FAM120A: variants seen among roughly 807,000 people sequenced by gnomAD.
FAM120A encodes the protein constitutive coactivator of PPAR-gamma-like protein 1.
Under a neutral mutation model 109.7 loss-of-function variants are expected in FAM120A, and 15 were observed. That is an observed-to-expected ratio of 0.14 (90% confidence interval 0.09 to 0.21). The LOEUF (loss-of-function observed/expected upper bound fraction) is 0.21, where lower values mean the gene tolerates loss of function less well. Among genes scored for constraint, FAM120A ranks in the 10% least tolerant of loss-of-function variants. The pLI is 1.00. For synonymous variants in FAM120A, 493 were observed against 572.8 expected, an observed-to-expected ratio of 0.86 and a Z score of 1.99; for missense variants, 899 against 1,439.3, an observed-to-expected ratio of 0.62 and a Z score of 6.07.
At position 93,452,924 on chromosome 9, in the gene FAM120A, G is replaced by A; in HGVS notation, c.474+535G>A. 1 of 1,422,656 alleles carries A rather than the reference G, an allele frequency of 7.0e-7. No individual in the cohort carries two copies. Among genetic ancestry groups the A allele is most frequent in the Admixed American group, 2.9e-5 (1 of 33,940 alleles). The allele number at this position is 1,422,656 out of a possible 1,614,324, so 88.1% of individuals were successfully genotyped here. A position where few individuals can be genotyped will look rare whatever the true frequency, so the allele number is the denominator to read the frequency against. ...GTTGTTAGCCCGGTGACAGCGAGAC[G>A]TGTCTAAGGGCCAGTGCCCTGGCCT... On this transcript the variant is annotated intron_variant, in intron 1 of 17. Coordinates refer to ENST00000277165, the MANE Select transcript of FAM120A (RefSeq NM_014612.5). This position sits in a 1 kb window ranked among gnomAD's most constrained non-coding sequence, Gnocchi z 7.0.
rs557106269 is a variant in FAM120A at position 93,498,393 on chromosome 9, A to G, written c.934-397A>G. Among the ~76,000 whole-genome samples the G allele has an allele frequency of 3.3e-5, 5 of 152,304 alleles. No homozygotes were observed. The highest frequency in any genetic ancestry group is 4.1e-4 in the South Asian group (2 of 4,824). On this transcript the variant is annotated intron_variant, in intron 4 of 17. Coordinates refer to ENST00000277165, the MANE Select transcript of FAM120A (RefSeq NM_014612.5). The surrounding 1 kb of genome is among the most constrained non-coding windows in gnomAD (Gnocchi z 4.4). ...GGGTGAAAGAGCGAAACTCCGTCTCAGAAGAAAAAGAGAGAGCTGAAACCC... is the reference window on the plus strand; with the variant it reads ...GGGTGAAAGAGCGAAACTCCGTCTCGGAAGAAAAAGAGAGAGCTGAAACCC...
chr9:93,489,601 C>T (rs1254810125), intron 3 of FAM120A, among the ~76,000 whole-genome samples: 2 of 152,206 alleles, frequency 1.3e-5, no homozygotes, highest in African/African-American at 2.4e-5. Context: ...CTTCAGTATA[C>T]GTGCATAGCA....
chr9:93,466,519 G>C (rs1588787566), intron 1 of FAM120A, among the ~76,000 whole-genome samples: 1 of 151,728 alleles, frequency 6.6e-6, no homozygotes, highest in Non-Finnish European at 1.5e-5. Context: ...TCCAGTGTCA[G>C]CTGTTTCCAA....
intron 10 of FAM120A, among the ~76,000 whole-genome samples, chr9:93,538,126 TATGAACAGCATTTATCTAC>T (rs1258494515): frequency 2.0e-5 from 3 of 152,182 alleles, no homozygotes; most frequent in Non-Finnish European, 2.9e-5. Flanking sequence ...GAATGAGGAA[TATGAACAGCATTTATCTAC>T]ATGTCTGTAA....
intron 8 of FAM120A, among the ~76,000 whole-genome samples, chr9:93,528,638 C>T (rs934903175): frequency 6.6e-6 from 1 of 152,152 alleles, no homozygotes; most frequent in African/African-American, 2.4e-5. Context: ...GTGTTTTCAC[C>T]AAACAGTGTA....
chr9:93,559,899 G>A (rs967467401), intron 15 of FAM120A, among the ~76,000 whole-genome samples: 2 of 152,184 alleles, frequency 1.3e-5, no homozygotes, highest in African/African-American at 4.8e-5. Flanking sequence ...AGTAGCTGCT[G>A]GCCACTGCTC....
At chr9:93,461,936 C>T (rs2131218154) in intron 1 of FAM120A, among the ~76,000 whole-genome samples, 1 of 152,322 alleles carries the variant, frequency 6.6e-6, no homozygotes, top group African/African-American at 2.4e-5. Flanking sequence ...CAGTAAAGGA[C>T]ACCTAACCTG....
At chr9:93,519,334 C>T (rs1860745007) in intron 7 of FAM120A, among the ~76,000 whole-genome samples, 1 of 152,034 alleles carries the variant, frequency 6.6e-6, no homozygotes, top group Admixed American at 6.5e-5. Flanking sequence ...CTCTGCCTCC[C>T]AGGTTCAAGC....
At chr9:93,469,824 A>C (rs1858230045) in intron 1 of FAM120A, among the ~76,000 whole-genome samples, 1 of 152,174 alleles carries the variant, frequency 6.6e-6, no homozygotes, top group South Asian at 2.1e-4. Flanking sequence ...CATCTTGAAA[A>C]GGTTTGCTTT....
At chr9:93,461,851 C>G (rs1269737727) in intron 1 of FAM120A, among the ~76,000 whole-genome samples, 1 of 152,152 alleles carries the variant, frequency 6.6e-6, no homozygotes, top group Non-Finnish European at 1.5e-5. Flanking sequence ...GAATGTTCAA[C>G]TGGTAAGCAT....
chr9:93,471,479 GAT>G, intron 2 of FAM120A, 92 bp downstream of exon 2: 1 of 1,499,072 alleles, frequency 6.7e-7, no homozygotes, highest in Non-Finnish European at 9.1e-7. Flanking sequence ...GAATGTTTTG[GAT>G]ATGTATCACA....
chr9:93,518,596 G>A (rs936468438), intron 7 of FAM120A, among the ~76,000 whole-genome samples: 6 of 152,214 alleles, frequency 3.9e-5, no homozygotes, highest in Admixed American at 6.5e-5. Context: ...AGGTCTGTGC[G>A]CAGAGCTTGC....
chr9:93,564,640 G>A lies in FAM120A; in HGVS notation c.*100G>A, dbSNP rs896778447. 85 of 986,980 alleles carry A rather than the reference G, an allele frequency of 8.6e-5. No homozygotes were observed. The highest frequency in any genetic ancestry group is 1.1e-4 in the Non-Finnish European group (79 of 692,206). The allele number at this position is 986,980 out of a possible 1,614,324, so 61.1% of individuals were successfully genotyped here. ...CAGTTATGTACATTTTGTCCTTTCC[G>A]TAAGAGAAAAATGAGGACTTTGGAA... On this transcript the variant is annotated 3_prime_UTR_variant, in exon 18 of 18. Transcript: ENST00000277165.
chr9:93,512,489 T>A (rs1166382453), intron 5 of FAM120A, among the ~76,000 whole-genome samples: 3 of 152,202 alleles, frequency 2.0e-5, no homozygotes, highest in Non-Finnish European at 4.4e-5. Context: ...TATAGTAAAC[T>A]TTTTTGGCCT....
intron 3 of FAM120A, among the ~76,000 whole-genome samples, chr9:93,492,701 T>C (rs1588835921): frequency 6.6e-6 from 1 of 152,282 alleles, no homozygotes; most frequent in East Asian, 1.9e-4. Flanking sequence ...GGAGGGCAGC[T>C]GCATGGTCAG....
At chr9:93,474,339 C>T (rs994506835) in intron 2 of FAM120A, among the ~76,000 whole-genome samples, 1 of 151,922 alleles carries the variant, frequency 6.6e-6, no homozygotes, top group African/African-American at 2.4e-5. Flanking sequence ...AGGTGTGTGC[C>T]ACCGCACCTG....
chr9:93,502,950 G>A (rs1416410900), intron 5 of FAM120A, among the ~76,000 whole-genome samples: 1 of 152,244 alleles, frequency 6.6e-6, no homozygotes, highest in Non-Finnish European at 1.5e-5. Flanking sequence ...CAGATCTGTG[G>A]ATGTGGAATC....
At chr9:93,549,662 G>C (rs1318360025) in intron 11 of FAM120A, among the ~76,000 whole-genome samples, 1 of 152,128 alleles carries the variant, frequency 6.6e-6, no homozygotes, top group Non-Finnish European at 1.5e-5. Context: ...AGCATGTCAC[G>C]GTTCTCTGAA....
chr9:93,556,492 C>G lies in FAM120A; in HGVS notation c.2385C>G (p.His795Gln). The G allele has an allele frequency of 6.2e-7, 1 of 1,614,236 alleles. No homozygotes were observed. Among genetic ancestry groups the G allele is most frequent in the Non-Finnish European group, 8.5e-7 (1 of 1,180,046 alleles). Residue 795 changes from histidine (H) to glutamine (Q), a missense_variant, in exon 13 of 18, where the codon CAC becomes CAG. His to Gln is a conservative substitution (Grantham distance 24). This residue lies in a region of FAM120A where 31 missense variants were observed against 73.0 expected (regional missense o/e 0.42). Transcript: ENST00000277165. Reference sequence around the variant, plus strand: ...GCGGACAGCCAATCCCCTGGGAACACTGTTGTCCTTGGATGTATTTTGATG... The same window carrying G: ...GCGGACAGCCAATCCCCTGGGAACAGTGTTGTCCTTGGATGTATTTTGATG... ...DACGQPIPWE[H>Q]CCPWMYFDGK... is the part of the protein sequence containing the mutation.
Sources: allele counts gnomAD v4.1 joint callset (sites outside exome capture counted in the v4.1 genomes callset), GRCh38; gene constraint gnomAD v4.1.1; regional missense constraint gnomAD v4.1.1; non-coding constraint Gnocchi (gnomAD v3.1); transcripts MANE v1.5; gene names NCBI Gene and HGNC (gene_info 2026-07-23, HGNC 2026-07-21).